The following PRDM15 variants were observed in gnomAD, a reference collection of about 807,000 sequenced individuals.
PRDM15 encodes PR/SET domain 15, also known as PR domain zinc finger protein 15.
Under a neutral mutation model 128.6 loss-of-function variants are expected in PRDM15, and 64 were observed. That is an observed-to-expected ratio of 0.50 (90% confidence interval 0.41 to 0.61). PRDM15 has a LOEUF of 0.61. Among genes scored for constraint, PRDM15 ranks in the 20% least tolerant of loss-of-function variants. The probability of loss-of-function intolerance (pLI) is 0.00; values close to 1 mark genes in which losing one functional copy is unlikely to be tolerated. For missense variants in PRDM15, 1,242 were observed against 1,569.1 expected (o/e 0.79, Z 3.52); for synonymous variants, 615 against 621.8 (o/e 0.99, Z 0.16).
Position 41,810,624 on chromosome 21 carries a change from C to G in PRDM15, c.2476+129G>C. On this transcript the variant is annotated intron_variant, in intron 20 of 23. Transcript: ENST00000398548. This position sits in a 1 kb window ranked among gnomAD's most constrained non-coding sequence, Gnocchi z 6.4. Reference sequence around the variant, plus strand: ...AGAGGCCAAGGGGCCACCATGAAGCCAAGACAACACTAAATGTGCTGGAAC... The same window carrying G: ...AGAGGCCAAGGGGCCACCATGAAGCGAAGACAACACTAAATGTGCTGGAAC... 1 of 762,110 alleles carries G rather than the reference C, an allele frequency of 1.3e-6. No homozygotes were observed. Among genetic ancestry groups the G allele is most frequent in the East Asian group, 2.6e-5 (1 of 37,914 alleles). 47.2% of individuals were successfully genotyped at this position (762,110 alleles called of 1,614,324 possible).
In PRDM15 at chr21:41,823,457, A is replaced by C; in HGVS notation, c.1630-8T>G. The C allele has an allele frequency of 6.5e-7, 1 of 1,549,096 alleles. No individual in the cohort carries two copies. Among genetic ancestry groups the C allele is most frequent in the Non-Finnish European group, 8.7e-7 (1 of 1,146,786 alleles). On this transcript the variant is annotated splice_polypyrimidine_tract_variant and splice_region_variant and intron_variant, in intron 13 of 23. Transcript: ENST00000398548. Reference sequence around the variant, plus strand: ...GCTCCGGCAGGAGAACACCTGTGGCAGAGGAGCCGCATGGTGAGGGGCTGC... The same window carrying C: ...GCTCCGGCAGGAGAACACCTGTGGCCGAGGAGCCGCATGGTGAGGGGCTGC...
Position 41,861,640 on chromosome 21 carries a change from T to C in PRDM15, c.-9-1268A>G. ...AGGAAAGTGTGCATGCTGGCACTTC[T>C]TGAATGCTGATTCCACACGCCCTCC... is the stretch of plus-strand genomic sequence containing the variant. On this transcript the variant is annotated intron_variant, in intron 1 of 23. Transcript: ENST00000398548. The C allele has an allele frequency of 6.2e-7, 1 of 1,614,064 alleles. No homozygotes were observed. Among genetic ancestry groups the C allele is most frequent in the Non-Finnish European group, 8.5e-7 (1 of 1,180,000 alleles).
At chr21:41,839,260 C>T (rs2062993193) in intron 7 of PRDM15, among the ~76,000 whole-genome samples, 1 of 152,178 alleles carries the variant, frequency 6.6e-6, no homozygotes, top group South Asian at 2.1e-4. Flanking sequence ...CTGAAGGAGG[C>T]AGACAGAGTC....
chr21:41,822,057 T>A lies in PRDM15; in HGVS notation c.1762-20A>T, dbSNP rs1272647221. On this transcript the variant is annotated intron_variant, in intron 14 of 23. Coordinates refer to ENST00000398548, the MANE Select transcript of PRDM15 (RefSeq NM_001040424.3). ...GATGTCCTGGAAAACAGCCACCACT[T>A]CCGGTTTCTAACAGCGCAGCAGACG... 7 of 1,613,352 alleles carry A rather than the reference T, an allele frequency of 4.3e-6. No individual in the cohort carries two copies. The African/African-American group carries it at 9.3e-5, about 22-fold the overall frequency.
At chr21:41,825,797 C>T (rs779420494) in intron 13 of PRDM15, among the ~76,000 whole-genome samples, 163 bp downstream of exon 13, 4 of 152,128 alleles carry the variant, frequency 2.6e-5, no homozygotes, top group Non-Finnish European at 5.9e-5. Context: ...ATCCAAATGG[C>T]AAGTGTTTAA....
At chr21:41,870,332 C>T (rs930830574) in intron 1 of PRDM15, among the ~76,000 whole-genome samples, 2 of 152,170 alleles carry the variant, frequency 1.3e-5, no homozygotes, top group Non-Finnish European at 2.9e-5. Context: ...CTTTCAGCTT[C>T]TTAATTTGGA....
intron 21 of PRDM15, among the ~76,000 whole-genome samples, chr21:41,808,114 G>A (rs2061739504): frequency 6.6e-6 from 1 of 152,224 alleles, no homozygotes; most frequent in African/African-American, 2.4e-5. Context: ...TCAATACGCG[G>A]AAGTCTAGAA....
Position 41,854,885 on chromosome 21 carries a change from T to G in PRDM15, c.286-67A>C. ...GATTACCCATCTGTGTATCAGCGTG[T>G]GGGGGGCAGGTGCTGAGGAACCCAT... is the stretch of plus-strand genomic sequence containing the variant. On this transcript the variant is annotated intron_variant, in intron 4 of 23. Transcript: ENST00000398548. The surrounding 1 kb of genome is among the most constrained non-coding windows in gnomAD (Gnocchi z 4.6). The G allele has an allele frequency of 6.5e-7, 1 of 1,535,778 alleles. No homozygotes were observed. Among genetic ancestry groups the G allele is most frequent in the Admixed American group, 1.8e-5 (1 of 55,402 alleles).
At chr21:41,861,451 A>G (rs2063805051) in intron 1 of PRDM15, 1 of 937,866 alleles carries the variant, frequency 1.1e-6, no homozygotes, top group Non-Finnish European at 1.6e-6. Context: ...AAATGGAAAT[A>G]AAAACACCCA....
intron 11 of PRDM15, among the ~76,000 whole-genome samples, chr21:41,829,713 C>A (rs1413114524): frequency 1.3e-5 from 2 of 151,434 alleles, no homozygotes. Context: ...ACTCATACCA[C>A]ACACACGAGC....
At position 41,811,628 on chromosome 21, in the gene PRDM15, AAC is replaced by A. The variant is rs1378441696; in HGVS notation, c.2393-794_2393-793del. 1 of 152,086 alleles carries A rather than the reference AAC, an allele frequency of 6.6e-6. No individual in the cohort carries two copies. The highest frequency in any genetic ancestry group is 2.4e-5 in the African/African-American group (1 of 41,298). 9.4% of individuals were successfully genotyped at this position (152,086 alleles called of 1,614,324 possible). A position where few individuals can be genotyped will look rare whatever the true frequency, so the allele number is the denominator to read the frequency against. ...CACATCACTGCACTCCAGCATGAGC[AAC>A]AGAGAGACCCCATCTCTAACAACAG... On this transcript the variant is annotated intron_variant, in intron 19 of 23. Transcript: ENST00000398548. This position sits in a 1 kb window ranked among gnomAD's most constrained non-coding sequence, Gnocchi z 4.1.
intron 13 of PRDM15, among the ~76,000 whole-genome samples, chr21:41,825,370 G>A (rs1172019170): frequency 3.4e-5 from 5 of 148,022 alleles, no homozygotes; most frequent in South Asian, 2.1e-4. Flanking sequence ...GCAGCCAGGT[G>A]TCTGAATCCT....
intron 5 of PRDM15, among the ~76,000 whole-genome samples, chr21:41,850,976 C>G (rs1221100932): frequency 6.6e-6 from 1 of 152,120 alleles, no homozygotes; most frequent in Non-Finnish European, 1.5e-5. Flanking sequence ...CTCACGCTCA[C>G]CAGGAAAGAC....
At chr21:41,870,395 G>T (rs2064168349) in intron 1 of PRDM15, among the ~76,000 whole-genome samples, 1 of 152,188 alleles carries the variant, frequency 6.6e-6, no homozygotes, top group Non-Finnish European at 1.5e-5. Context: ...GGCTCAGGGA[G>T]TTTTTGTTGA....
intron 1 of PRDM15, chr21:41,878,892 G>A (rs2064528601): frequency 1.0e-5 from 10 of 957,964 alleles, no homozygotes; most frequent in Non-Finnish European, 1.1e-5. Flanking sequence ...GCGCGGCCCG[G>A]CAGCCCCGCG....
chr21:41,878,219 TG>T lies in PRDM15; in HGVS notation c.-10+1050del, dbSNP rs749522908. On this transcript the variant is annotated intron_variant, in intron 1 of 23. Transcript: ENST00000398548. Reference sequence around the variant, plus strand: ...CACTTGAGTCTGGCTTAAGCCAATGTGGTTTTTTTAAAACGAGTGTTGGTAG... The same window carrying T: ...CACTTGAGTCTGGCTTAAGCCAATGTGTTTTTTTAAAACGAGTGTTGGTAG... 7.9e-5 allele frequency among the ~76,000 whole-genome samples: 12 copies of T among 152,350 alleles called. 2 individuals carry two copies. The highest frequency in any genetic ancestry group is 3.9e-4 in the East Asian group (2 of 5,188).
intron 1 of PRDM15, among the ~76,000 whole-genome samples, chr21:41,868,041 A>G (rs1383279415): frequency 2.6e-5 from 4 of 150,978 alleles, no homozygotes; most frequent in African/African-American, 9.7e-5. Context: ...TTGTCTCAAA[A>G]AAAAAAAAAA....
At position 41,828,076 on chromosome 21, in the gene PRDM15, C is replaced by A. The variant is rs28528855; in HGVS notation, c.1534+90G>T. 2.1e-6 allele frequency: 3 copies of A among 1,416,574 alleles called. No homozygotes were observed. The highest frequency in any genetic ancestry group is 2.8e-5 in the African/African-American group (2 of 71,066). The allele number at this position is 1,416,574 out of a possible 1,614,324, so 87.8% of individuals were successfully genotyped here. A position where few individuals can be genotyped will look rare whatever the true frequency, so the allele number is the denominator to read the frequency against. On this transcript the variant is annotated intron_variant, in intron 12 of 23. Transcript: ENST00000398548. The surrounding 1 kb of genome is among the most constrained non-coding windows in gnomAD (Gnocchi z 5.7). Reference sequence around the variant, plus strand: ...GAGCAGGCGGCACCGAACTGCTCCCCAAAGGCCCTGCTGACTGCTCCATGC... The same window carrying A: ...GAGCAGGCGGCACCGAACTGCTCCCAAAAGGCCCTGCTGACTGCTCCATGC...
intron 10 of PRDM15, among the ~76,000 whole-genome samples, 179 bp downstream of exon 10, chr21:41,835,934 G>C (rs1301616943): frequency 1.5e-5 from 1 of 64,980 alleles, no homozygotes; most frequent in Admixed American, 1.3e-4. Context: ...TCCCCCACAG[G>C]GTTTGGCCGC....
Sources: allele counts gnomAD v4.1 joint callset (sites outside exome capture counted in the v4.1 genomes callset), GRCh38; gene constraint gnomAD v4.1.1; non-coding constraint Gnocchi (gnomAD v3.1); transcripts MANE v1.5; gene names NCBI Gene and HGNC (gene_info 2026-07-23, HGNC 2026-07-21).